Variants in ST6GAL2 observed in about 807,000 individuals in gnomAD.
ST6GAL2 encodes the protein ST6 beta-galactoside alpha-2,6-sialyltransferase 2.
A neutral mutation model predicts 37.5 loss-of-function variants in ST6GAL2; 24 were observed. The ratio of observed to expected loss-of-function variants is 0.64; its 90% CI spans 0.46 to 0.90. The LOEUF is 0.90. ST6GAL2 is among the 40% of genes least tolerant of loss of function. The pLI is 0.00. For synonymous variants in ST6GAL2, 306 were observed against 295.1 expected (o/e 1.04, Z -0.38); for missense variants, 715 against 712.7 (o/e 1.00, Z -0.04).
chr2:106,852,564 G>C (rs1466489970), intron 1 of ST6GAL2, among the ~76,000 whole-genome samples: 1 of 152,246 alleles, frequency 6.6e-6, no homozygotes, highest in African/African-American at 2.4e-5. Context: ...GGGCTGGCCT[G>C]TGGAAGGTTC....
chr2:106,838,880 A>G (rs1676753301), intron 2 of ST6GAL2, among the ~76,000 whole-genome samples: 1 of 151,968 alleles, frequency 6.6e-6, no homozygotes, highest in African/African-American at 2.4e-5. Flanking sequence ...TACTAAAAAC[A>G]CAAAAATTAG....
rs527819397 is a variant in ST6GAL2, at chr2:106,829,019, A to G, written c.1318+1047T>C. On this transcript the variant is annotated intron_variant, in intron 5 of 5. Coordinates refer to ENST00000409382, the MANE Select transcript of ST6GAL2 (RefSeq NM_001142351.2). ...CATACTCTTCGGTTAAGAGAGCTAA[A>G]TGAGGTACTGGAACTAGTCTCATCA... 7.7e-4 allele frequency among the ~76,000 whole-genome samples: 117 copies of G among 152,330 alleles called. 1 individual carries two copies. Among genetic ancestry groups the G allele is most frequent in the African/African-American group, 2.8e-3 (115 of 41,584 alleles).
At chr2:106,823,610 G>C (rs1469847564) in intron 5 of ST6GAL2, among the ~76,000 whole-genome samples, 3 of 152,090 alleles carry the variant, frequency 2.0e-5, no homozygotes, top group African/African-American at 7.2e-5. Flanking sequence ...GGTTGCTAAT[G>C]AAAGTGCAAA....
At chr2:106,832,976 C>T (rs1254277447) in intron 3 of ST6GAL2, among the ~76,000 whole-genome samples, 1 of 152,184 alleles carries the variant, frequency 6.6e-6, no homozygotes, top group Non-Finnish European at 1.5e-5. Flanking sequence ...CGCACAACCT[C>T]TTCTACAATT....
chr2:106,811,965 G>A (rs1675626408), intron 5 of ST6GAL2, among the ~76,000 whole-genome samples: 1 of 152,026 alleles, frequency 6.6e-6, no homozygotes, highest in South Asian at 2.1e-4. Flanking sequence ...AGTGGCACAG[G>A]GACTGAATTC....
At chr2:106,875,105 ATC>A (rs1233375265) in intron 1 of ST6GAL2, among the ~76,000 whole-genome samples, 1 of 151,988 alleles carries the variant, frequency 6.6e-6, no homozygotes, top group East Asian at 1.9e-4. Context: ...CACTTTTGAA[ATC>A]ACATTTATAT....
chr2:106,822,839 A>T (rs183271550), intron 5 of ST6GAL2: 2 of 152,302 alleles, frequency 1.3e-5, no homozygotes, highest in East Asian at 3.9e-4. Flanking sequence ...GAATCTTATT[A>T]ATATTGAAGT....
intron 5 of ST6GAL2, among the ~76,000 whole-genome samples, chr2:106,819,435 GGA>G (rs1333706134): frequency 6.6e-6 from 1 of 152,026 alleles, no homozygotes; most frequent in Non-Finnish European, 1.5e-5. Context: ...TTACAGGCCA[GGA>G]GAGAGTGGCA....
intron 2 of ST6GAL2, among the ~76,000 whole-genome samples, chr2:106,840,977 GACCTCTAA>G (rs769527563): frequency 1.3e-4 from 20 of 152,092 alleles, no homozygotes; most frequent in South Asian, 6.2e-4. Flanking sequence ...TCACCCCGGG[GACCTCTAA>G]ACCACTGCTT....
rs199946244 is a variant in ST6GAL2 at position 106,863,495 on chromosome 2, A to AC, written c.-57-19462dup. 9.3e-3 allele frequency among the ~76,000 whole-genome samples: 1,418 copies of AC among 151,698 alleles called. 7 individuals carry two copies. The highest frequency in any genetic ancestry group is 0.011 in the Non-Finnish European group (744 of 67,902). On this transcript the variant is annotated intron_variant, in intron 1 of 5. Transcript: ENST00000409382. The stretch of plus-strand genomic sequence containing the variant: ...AAAATATTTTGGGGGAGCACAGGTG[A>AC]CCCCCCCGTCTAACGCACAATGTTT...
Position 106,830,169 on chromosome 2 carries a change from T to C in ST6GAL2, c.1215A>G (p.Pro405=), listed in dbSNP as rs1274047417. 1 of 1,613,790 alleles carries C rather than the reference T, an allele frequency of 6.2e-7. No homozygotes were observed. ...IQHRQRNPNQ[P]FYILHPKFIW... is the part of the protein sequence containing the mutation. ...TAAATTTAGGATGAAGAATGTAAAA[T>C]GGCTGATTTGGGTTTCTCTGACGAT... The change falls in exon 5 of 6, where the codon CCA becomes CCG. Residue 405 remains proline, a synonymous_variant. Transcript: ENST00000409382.
chr2:106,843,140 C>A lies in ST6GAL2; in HGVS notation c.838G>T (p.Val280Leu), dbSNP rs776466501. ...PFSALGWRRLVPAVPLSQLHP... is the reference protein window; with the variant it reads ...PFSALGWRRLLPAVPLSQLHP... Reference sequence around the variant, plus strand: ...AGCTGGCTCAGGGGCACGGCGGGCACCAGGCGCCGCCAGCCCAGCGCAGAA... The same window carrying A: ...AGCTGGCTCAGGGGCACGGCGGGCAACAGGCGCCGCCAGCCCAGCGCAGAA... Residue 280 changes from valine (V) to leucine (L), a missense_variant, in exon 2 of 6, where the codon GTG becomes TTG. Coordinates refer to ENST00000409382, the MANE Select transcript of ST6GAL2 (RefSeq NM_001142351.2). 6.4e-7 allele frequency: 1 copy of A among 1,559,366 alleles called. No homozygotes were observed. Among genetic ancestry groups the A allele is most frequent in the East Asian group, 2.4e-5 (1 of 42,520 alleles).
At chr2:106,867,573 C>T (rs953052528) in intron 1 of ST6GAL2, among the ~76,000 whole-genome samples, 21 of 152,120 alleles carry the variant, frequency 1.4e-4, no homozygotes, top group East Asian at 5.8e-4. Flanking sequence ...TCCCAAATGA[C>T]GAGGTTTATG....
intron 1 of ST6GAL2, among the ~76,000 whole-genome samples, chr2:106,845,378 G>C (rs1677102164): frequency 6.6e-6 from 1 of 152,146 alleles, no homozygotes; most frequent in Non-Finnish European, 1.5e-5. Context: ...GAGATTCCTT[G>C]GTGGCAAGTA....
At chr2:106,835,604 CCTT>C (rs1405860986) in intron 2 of ST6GAL2, among the ~76,000 whole-genome samples, 11 of 152,160 alleles carry the variant, frequency 7.2e-5, no homozygotes, top group African/African-American at 2.7e-4. Flanking sequence ...CAAACTATGA[CCTT>C]CTGGCCAAAT....
chr2:106,883,311 A>C lies in ST6GAL2; in HGVS notation c.-58+2782T>G, dbSNP rs185085273. On this transcript the variant is annotated intron_variant, in intron 1 of 5. Transcript: ENST00000409382. ...CTGATATCTTCGCATTGTGTACTTAATAACATTTAGAAAGAAATTTCTCAA... is the reference window on the plus strand; with the variant it reads ...CTGATATCTTCGCATTGTGTACTTACTAACATTTAGAAAGAAATTTCTCAA... Among the ~76,000 whole-genome samples the C allele has an allele frequency of 1.4e-4, 21 of 152,322 alleles. No homozygotes were observed. The East Asian group carries it at 4.1e-3, about 29-fold the overall frequency.
chr2:106,806,990 C>T, intron 5 of ST6GAL2, 41 bp from the exon 6 acceptor site: 1 of 1,549,436 alleles, frequency 6.5e-7, no homozygotes, highest in African/African-American at 1.4e-5. Flanking sequence ...TGAACAACTC[C>T]ATGTGAGAGG....
chr2:106,846,049 CATCCCA>C (rs1677131372), intron 1 of ST6GAL2, among the ~76,000 whole-genome samples: 1 of 3,106 alleles, frequency 3.2e-4, no homozygotes, highest in African/African-American at 6.9e-4. Context: ...CCGTCCCAGC[CATCCCA>C]GCCATCCCAG....
chr2:106,864,847 CAAATCTTCCA>C (rs1350660549), intron 1 of ST6GAL2, among the ~76,000 whole-genome samples: 10 of 152,314 alleles, frequency 6.6e-5, no homozygotes, highest in Admixed American at 5.2e-4. Context: ...CAGCTTTTAA[CAAATCTTCCA>C]AAAGGAACTC....
Sources: gnomAD v4.1 joint callset for allele counts (sites outside exome capture counted in the v4.1 genomes callset) on GRCh38, gnomAD v4.1.1 for gene constraint, MANE v1.5 for transcripts, NCBI Gene and HGNC (gene_info 2026-07-23, HGNC 2026-07-21) for gene names.